The following THSD7A variants were observed in gnomAD, a reference collection of about 807,000 sequenced individuals.
The protein encoded by THSD7A is thrombospondin type 1 domain containing 7A, also known as thrombospondin type-1 domain-containing protein 7A.
In THSD7A, 96 loss-of-function variants were observed where a neutral mutation model predicts 231.3. The observed-to-expected ratio is 0.41, with a 90% confidence interval of 0.35 to 0.49. The LOEUF is 0.49. THSD7A is among the 20% of genes least tolerant of loss of function. The pLI is 0.05. For synonymous variants in THSD7A, 940 were observed against 743.3 expected (o/e 1.26, Z -4.30); for missense variants, 2,290 against 2,070.2 (o/e 1.11, Z -2.06).
In THSD7A at chr7:11,632,092, C is replaced by T. The variant is rs1206780640; in HGVS notation, c.1022+4038G>A. Among the ~76,000 whole-genome samples, 4 of 152,098 alleles carry T rather than the reference C, an allele frequency of 2.6e-5. No homozygotes were observed. Among genetic ancestry groups the T allele is most frequent in the Non-Finnish European group, 4.4e-5 (3 of 68,016 alleles). ...TATAATTTATTATATTACTTGTTATCGTTATTACCATAGAGTATAATGCAC... is the reference window on the plus strand; with the variant it reads ...TATAATTTATTATATTACTTGTTATTGTTATTACCATAGAGTATAATGCAC... On this transcript the variant is annotated intron_variant, in intron 2 of 27. Coordinates refer to ENST00000423059, the MANE Select transcript of THSD7A (RefSeq NM_015204.3). This position sits in a 1 kb window ranked among gnomAD's most constrained non-coding sequence, Gnocchi z 4.1.
intron 1 of THSD7A, among the ~76,000 whole-genome samples, chr7:11,759,998 C>G (rs767581250): frequency 6.6e-6 from 1 of 151,802 alleles, no homozygotes; most frequent in Non-Finnish European, 1.5e-5. Flanking sequence ...TTAAGTGATA[C>G]AAATATACAC....
At chr7:11,624,998 C>G (rs1478112020) in intron 2 of THSD7A, among the ~76,000 whole-genome samples, 4 of 151,994 alleles carry the variant, frequency 2.6e-5, no homozygotes, top group African/African-American at 9.7e-5. Context: ...CAAAATGTAT[C>G]AGTATATCGT....
At chr7:11,823,077 T>C (rs749952007) in intron 1 of THSD7A, among the ~76,000 whole-genome samples, 9 of 152,082 alleles carry the variant, frequency 5.9e-5, no homozygotes, top group Non-Finnish European at 5.9e-5. Context: ...AGTATTCTTA[T>C]AGTTAGGGGT....
At chr7:11,724,218 G>T (rs1009641557) in intron 1 of THSD7A, among the ~76,000 whole-genome samples, 2 of 151,910 alleles carry the variant, frequency 1.3e-5, no homozygotes, top group Non-Finnish European at 2.9e-5. Context: ...TACTTAATGA[G>T]ATGTGACATG....
chr7:11,644,117 C>A (rs1242274846), intron 1 of THSD7A, among the ~76,000 whole-genome samples: 6 of 151,198 alleles, frequency 4.0e-5, no homozygotes, highest in African/African-American at 1.2e-4. Context: ...AGAAATACAT[C>A]AAAGCTTATG....
At chr7:11,559,652 GAAGA>G (rs1197566822) in intron 4 of THSD7A, among the ~76,000 whole-genome samples, 3 of 151,896 alleles carry the variant, frequency 2.0e-5, no homozygotes, top group East Asian at 1.9e-4. Context: ...GAAGAAAGTA[GAAGA>G]AAGAGAATAA....
At chr7:11,714,859 T>C (rs1013752859) in intron 1 of THSD7A, among the ~76,000 whole-genome samples, 1 of 151,364 alleles carries the variant, frequency 6.6e-6, no homozygotes, top group African/African-American at 2.4e-5. Context: ...CAAACCACAA[T>C]AGATTGTTCA....
At position 11,636,733 on chromosome 7, in the gene THSD7A, A is replaced by G. The variant is rs1420633322; in HGVS notation, c.419T>C (p.Leu140Pro). Reference protein sequence around the residue: ...NQCQPVISKSLEKPLECIKGE... With the variant: ...NQCQPVISKSPEKPLECIKGE... ...CTTAATGCACTCAAGAGGTTTCTCTAGGCTTTTTGAAATCACGGGCTGACA... is the reference window on the plus strand; with the variant it reads ...CTTAATGCACTCAAGAGGTTTCTCTGGGCTTTTTGAAATCACGGGCTGACA... Residue 140 changes from leucine to proline, a missense_variant, in exon 2 of 28, where the codon CTA (leucine) becomes CCA (proline). Coordinates refer to ENST00000423059, the MANE Select transcript of THSD7A (RefSeq NM_015204.3). This position sits in a 1 kb window ranked among gnomAD's most constrained non-coding sequence, Gnocchi z 10.0. 1 of 1,613,954 alleles carries G rather than the reference A, an allele frequency of 6.2e-7. No individual in the cohort carries two copies. Among genetic ancestry groups the G allele is most frequent in the South Asian group, 1.1e-5 (1 of 91,086 alleles).
chr7:11,823,147 G>T (rs188193017), intron 1 of THSD7A, among the ~76,000 whole-genome samples: 1 of 151,950 alleles, frequency 6.6e-6, no homozygotes, highest in Admixed American at 6.6e-5. Flanking sequence ...AGAGATAGGG[G>T]TCTAGTTTCA....
chr7:11,521,512 C>CTCT (rs1465677151), intron 6 of THSD7A, among the ~76,000 whole-genome samples: 2 of 138,660 alleles, frequency 1.4e-5, no homozygotes, highest in Non-Finnish European at 3.1e-5. Context: ...TTATTATACT[C>CTCT]TAAGTTTTAG....
chr7:11,645,210 C>T (rs1782234085), intron 1 of THSD7A, among the ~76,000 whole-genome samples: 1 of 151,646 alleles, frequency 6.6e-6, no homozygotes, highest in African/African-American at 2.4e-5. Context: ...TAATAATTTC[C>T]TCTCCTGTAA....
chr7:11,388,052 G>A (rs931408053), intron 23 of THSD7A, among the ~76,000 whole-genome samples: 1 of 152,088 alleles, frequency 6.6e-6, no homozygotes, highest in Non-Finnish European at 1.5e-5. Context: ...GGATGAAGCC[G>A]ACTTGATTGT....
chr7:11,560,546 G>T (rs1186860834), intron 4 of THSD7A, among the ~76,000 whole-genome samples: 1 of 152,074 alleles, frequency 6.6e-6, no homozygotes, highest in Non-Finnish European at 1.5e-5. Context: ...ACCAATTATA[G>T]CTTTAGTCTC....
chr7:11,476,770 G>A (rs1395181138), intron 7 of THSD7A, among the ~76,000 whole-genome samples: 2 of 150,278 alleles, frequency 1.3e-5, no homozygotes, highest in South Asian at 2.1e-4. Flanking sequence ...AGCCAAGATC[G>A]GGCCACTGCA....
chr7:11,711,448 C>T (rs931899895), intron 1 of THSD7A, among the ~76,000 whole-genome samples: 3 of 151,050 alleles, frequency 2.0e-5, no homozygotes, highest in Non-Finnish European at 4.5e-5. Context: ...TATTGATCTG[C>T]TGACGAATTA....
At chr7:11,619,813 A>G (rs1354992357) in intron 2 of THSD7A, among the ~76,000 whole-genome samples, 1 of 152,200 alleles carries the variant, frequency 6.6e-6, no homozygotes, top group African/African-American at 2.4e-5. Context: ...ATCAGTTTAA[A>G]TATTTATAAT....
At chr7:11,376,713 G>A in intron 26 of THSD7A, 56 bp from the exon 27 acceptor site, 1 of 1,321,894 alleles carries the variant, frequency 7.6e-7, no homozygotes, top group African/African-American at 1.5e-5. Context: ...ACATGAGGCA[G>A]TCTTTAACTA....
chr7:11,652,030 CAT>C (rs1403946017), intron 1 of THSD7A, among the ~76,000 whole-genome samples: 1 of 151,900 alleles, frequency 6.6e-6, no homozygotes, highest in East Asian at 1.9e-4. Flanking sequence ...CATCTAGAAG[CAT>C]ATTTTATTCC....
intron 2 of THSD7A, among the ~76,000 whole-genome samples, chr7:11,628,737 A>G (rs533832751): frequency 7.2e-5 from 11 of 152,336 alleles, no homozygotes; most frequent in Middle Eastern, 6.8e-3. Flanking sequence ...AAGGTAAATA[A>G]GTAAATAAAT....
Sources: allele counts gnomAD v4.1 joint callset (sites outside exome capture counted in the v4.1 genomes callset), GRCh38; gene constraint gnomAD v4.1.1; non-coding constraint Gnocchi (gnomAD v3.1); transcripts MANE v1.5; gene names NCBI Gene and HGNC (gene_info 2026-07-23, HGNC 2026-07-21).